SIK3: variants seen among roughly 807,000 people sequenced by gnomAD.
SIK3 encodes the protein SIK family kinase 3, also known as serine/threonine-protein kinase SIK3.
In SIK3, 28 loss-of-function variants were observed where a neutral mutation model predicts 144.2. The ratio of observed to expected loss-of-function variants is 0.19; its 90% confidence interval spans 0.14 to 0.27. The LOEUF is 0.27. SIK3 is among the 10% of genes least tolerant of loss of function. SIK3 has a pLI of 1.00. For missense variants in SIK3, 1,319 were observed against 1,776.0 expected (o/e 0.74, Z 4.62); for synonymous variants, 686 against 676.3 (o/e 1.01, Z -0.22).
At chr11:117,014,927 G>A (rs557396443) in intron 1 of SIK3, among the ~76,000 whole-genome samples, 44 of 152,156 alleles carry the variant, frequency 2.9e-4, no homozygotes, top group African/African-American at 1.0e-3. Flanking sequence ...AGCCGATCAC[G>A]ATAGTGTGCA....
At position 116,990,383 on chromosome 11, in the gene SIK3, G is replaced by C. The variant is rs190123482; in HGVS notation, c.274-33319C>G. On this transcript the variant is annotated intron_variant, in intron 1 of 24. Coordinates refer to ENST00000445177, the MANE Select transcript of SIK3 (RefSeq NM_001366686.3). The stretch of plus-strand genomic sequence containing the variant: ...AACTTCTTTTTCCCTTTGAGAGATA[G>C]AGATAATGCTGTGAATGGGGCCAAA... Among the ~76,000 whole-genome samples the C allele has an allele frequency of 7.3e-3, 1,115 of 152,260 alleles. 51 individuals are homozygous for C. The highest frequency in any genetic ancestry group is 0.069 in the Admixed American group (1,052 of 15,290).
intron 3 of SIK3, among the ~76,000 whole-genome samples, chr11:116,944,590 A>G (rs57040912): frequency 0.073 from 11,166 of 152,230 alleles, 740 homozygotes; most frequent in African/African-American, 0.18. Flanking sequence ...GGAGTGTAAC[A>G]TATCTTGTAT....
intron 1 of SIK3, among the ~76,000 whole-genome samples, chr11:117,051,237 C>A (rs1183348522): frequency 6.6e-6 from 1 of 152,140 alleles, no homozygotes; most frequent in Non-Finnish European, 1.5e-5. Flanking sequence ...CCAGGACTTA[C>A]ACCAGCACAC....
At chr11:116,917,117 G>C (rs923593308) in intron 4 of SIK3, among the ~76,000 whole-genome samples, 2 of 151,974 alleles carry the variant, frequency 1.3e-5, no homozygotes, top group Admixed American at 6.5e-5. Context: ...ACCACACCTG[G>C]CTTCCAACAC....
At chr11:116,977,436 G>C in intron 1 of SIK3, among the ~76,000 whole-genome samples, 1 of 152,068 alleles carries the variant, frequency 6.6e-6, no homozygotes, top group Non-Finnish European at 1.5e-5. Flanking sequence ...AGGAAGTTCT[G>C]GCCCTCGCCT....
intron 1 of SIK3, among the ~76,000 whole-genome samples, chr11:117,084,555 C>T (rs897683276): frequency 2.0e-5 from 3 of 152,142 alleles, no homozygotes; most frequent in Non-Finnish European, 2.9e-5. Flanking sequence ...CATGAGCCAC[C>T]GCGCCGGGCC....
chr11:117,014,746 G>A (rs1951448334), intron 1 of SIK3, among the ~76,000 whole-genome samples: 1 of 152,124 alleles, frequency 6.6e-6, no homozygotes, highest in Non-Finnish European at 1.5e-5. Flanking sequence ...TTAACATGAA[G>A]AACATTCTTT....
At chr11:117,052,345 C>T (rs555071137) in intron 1 of SIK3, among the ~76,000 whole-genome samples, 35 of 152,216 alleles carry the variant, frequency 2.3e-4, no homozygotes, top group African/African-American at 6.0e-4. Context: ...GAGACTGCAG[C>T]GAACCTAAAG....
intron 4 of SIK3, among the ~76,000 whole-genome samples, chr11:116,898,428 T>TA (rs1945547200): frequency 6.8e-6 from 1 of 147,908 alleles, no homozygotes; most frequent in Non-Finnish European, 1.5e-5. Context: ...AGTGCCGCAA[T>TA]AAACATACGT....
intron 3 of SIK3, among the ~76,000 whole-genome samples, 179 bp downstream of exon 3, chr11:116,953,865 T>C (rs1292154877): frequency 6.6e-6 from 1 of 152,240 alleles, no homozygotes; most frequent in Non-Finnish European, 1.5e-5. Context: ...ACAAATGTGT[T>C]AAAGGGATTT....
Position 116,896,384 on chromosome 11 carries a change from C to T in SIK3, c.742-8G>A, listed in dbSNP as rs1260693915. On this transcript the variant is annotated splice_region_variant and splice_polypyrimidine_tract_variant and intron_variant, in intron 5 of 24. Transcript: ENST00000445177. ...GAGGACAACTCCAAGGCTCTGCATCCCAAACAGAGAGGATGTACAATTAAT... is the reference window on the plus strand; with the variant it reads ...GAGGACAACTCCAAGGCTCTGCATCTCAAACAGAGAGGATGTACAATTAAT... 7 of 1,612,396 alleles carry T rather than the reference C, an allele frequency of 4.3e-6. No individual in the cohort carries two copies. The African/African-American group carries it at 9.3e-5, about 22-fold the overall frequency.
At chr11:116,963,422 A>T (rs536552332) in intron 1 of SIK3, among the ~76,000 whole-genome samples, 1 of 152,344 alleles carries the variant, frequency 6.6e-6, no homozygotes, top group South Asian at 2.1e-4. Flanking sequence ...AGAAATTAAG[A>T]CAAAAATTTA....
intron 1 of SIK3, among the ~76,000 whole-genome samples, chr11:117,043,512 T>A (rs1053711158): frequency 6.6e-6 from 1 of 152,186 alleles, no homozygotes; most frequent in Non-Finnish European, 1.5e-5. Flanking sequence ...AGCACTACCA[T>A]TTTACAAAAC....
intron 1 of SIK3, among the ~76,000 whole-genome samples, chr11:117,069,313 C>T (rs1954160688): frequency 6.6e-6 from 1 of 152,044 alleles, no homozygotes; most frequent in African/African-American, 2.4e-5. Context: ...AATACATGGC[C>T]ATTTTATCTA....
chr11:116,944,890 C>T (rs1326646666), intron 3 of SIK3, among the ~76,000 whole-genome samples: 1 of 152,146 alleles, frequency 6.6e-6, no homozygotes, highest in Admixed American at 6.5e-5. Flanking sequence ...TTTCATAATA[C>T]CTCAGTTTTT....
At chr11:117,059,376 A>G (rs1953696795) in intron 1 of SIK3, among the ~76,000 whole-genome samples, 1 of 152,150 alleles carries the variant, frequency 6.6e-6, no homozygotes, top group Non-Finnish European at 1.5e-5. Context: ...TATATGGAAT[A>G]AAACAGGATG....
chr11:117,058,538 T>C (rs9943680), intron 1 of SIK3, among the ~76,000 whole-genome samples: 68,367 of 145,572 alleles, frequency 0.47, 19,047 homozygotes, highest in Non-Finnish European at 0.65. Context: ...AAAAAAAAAT[T>C]ACCTCCATCT....
At chr11:117,055,330 G>A (rs1565599936) in intron 1 of SIK3, among the ~76,000 whole-genome samples, 3 of 152,132 alleles carry the variant, frequency 2.0e-5, no homozygotes. Context: ...GTGTACATGA[G>A]ACACTATTTT....
chr11:116,969,940 C>T (rs554761704), intron 1 of SIK3, among the ~76,000 whole-genome samples: 55 of 152,128 alleles, frequency 3.6e-4, no homozygotes, highest in Non-Finnish European at 7.1e-4. Context: ...AATCACTTTA[C>T]CCCTCTAATC....
Sources: allele counts gnomAD v4.1 joint callset (sites outside exome capture counted in the v4.1 genomes callset), GRCh38; gene constraint gnomAD v4.1.1; transcripts MANE v1.5; gene names NCBI Gene and HGNC (gene_info 2026-07-23, HGNC 2026-07-21).